NTRK3: variants seen among roughly 807,000 people sequenced by gnomAD.
NTRK3 encodes the protein NT-3 growth factor receptor.
NTRK3 carries 24 observed loss-of-function variants against 91.7 expected under a neutral mutation model. The observed-to-expected ratio is 0.26, with a 90% CI of 0.19 to 0.37. The LOEUF (loss-of-function observed/expected upper bound fraction) is 0.37, where lower values mean the gene tolerates loss of function less well. Among genes scored for constraint, NTRK3 ranks in the 10% least tolerant of loss-of-function variants. The probability of loss-of-function intolerance (pLI) is 1.00; values close to 1 mark genes in which losing one functional copy is unlikely to be tolerated. For missense variants in NTRK3, 880 were observed against 1,068.9 expected, an observed-to-expected ratio of 0.82 and a Z score of 2.46; for synonymous variants, 483 against 404.0, an observed-to-expected ratio of 1.20 and a Z score of -2.34.
rs552651593 is a variant in NTRK3 at position 87,870,412 on chromosome 15, A to G, written c.*6523T>C. 17 of 202,450 alleles carry G rather than the reference A, an allele frequency of 8.4e-5. No homozygotes were observed. In the Admixed American group the frequency reaches 9.0e-4, roughly 11 times the overall value. The allele number at this position is 202,450 out of a possible 1,614,324, so 12.5% of individuals were successfully genotyped here. On this transcript the variant is annotated 3_prime_UTR_variant, in exon 19 of 19. Transcript: ENST00000394480. Reference sequence around the variant, plus strand: ...GATGTCAAGGTATAAGAATGACACAATGGACTCTGCGGACTCAGGGGGAAA... The same window carrying G: ...GATGTCAAGGTATAAGAATGACACAGTGGACTCTGCGGACTCAGGGGGAAA...
chr15:88,136,032 C>A (rs2041844163), exon 9 of NTRK3: 1 of 1,614,228 alleles, frequency 6.2e-7, no homozygotes, highest in African/African-American at 1.3e-5. Context: ...TGGTCCAGTT[C>A]AGATTGGTCT....
At chr15:87,886,679 T>C (rs183429152) in intron 17 of NTRK3, among the ~76,000 whole-genome samples, 167 of 110,372 alleles carry the variant, frequency 1.5e-3, no homozygotes, top group African/African-American at 5.1e-3. Flanking sequence ...CTTTTTGCTA[T>C]ATATATATAT....
At chr15:88,032,666 G>A (rs913693627) in intron 14 of NTRK3, among the ~76,000 whole-genome samples, 191 bp downstream of exon 14, 2 of 152,090 alleles carry the variant, frequency 1.3e-5, no homozygotes, top group Admixed American at 1.3e-4. Flanking sequence ...CCTTCGCAGA[G>A]GACTCTGGTC....
chr15:88,049,784 G>C (rs577785866), intron 13 of NTRK3, among the ~76,000 whole-genome samples: 1 of 152,328 alleles, frequency 6.6e-6, no homozygotes, highest in Admixed American at 6.5e-5. Context: ...TTAACCAATT[G>C]AAAGAGAGGT....
rs191441420 is a variant in NTRK3 at position 88,129,415 on chromosome 15, G to A, written c.1205-681C>T. Among the ~76,000 whole-genome samples, 73 of 152,264 alleles carry A rather than the reference G, an allele frequency of 4.8e-4. 1 individual carries two copies. The highest frequency in any genetic ancestry group is 5.4e-4 in the Non-Finnish European group (37 of 68,014). On this transcript the variant is annotated intron_variant, in intron 10 of 18. Transcript: ENST00000394480. ...GCATTATCCCCACTTAACAGATAAG[G>A]AAACAGGCTTATACAGATTAAGTAA...
intron 5 of NTRK3, among the ~76,000 whole-genome samples, chr15:88,176,071 T>C (rs1023004351): frequency 2.6e-5 from 4 of 152,230 alleles, no homozygotes; most frequent in Admixed American, 6.5e-5. Context: ...GATTCTGTAC[T>C]ATTTATATTT....
At chr15:87,912,037 T>C (rs913644826) in intron 17 of NTRK3, among the ~76,000 whole-genome samples, 13 of 152,218 alleles carry the variant, frequency 8.5e-5, no homozygotes, top group African/African-American at 1.2e-4. Flanking sequence ...CCTCCCTTGC[T>C]TCTAATATTC....
At chr15:87,869,800 C>A in exon 19 of NTRK3, 1 of 200,684 alleles carries the variant, frequency 5.0e-6, no homozygotes, top group Non-Finnish European at 1.0e-5. Flanking sequence ...TGCCAGGTAG[C>A]TATTAAATTG....
At chr15:88,096,731 T>C (rs992836206) in intron 13 of NTRK3, among the ~76,000 whole-genome samples, 2 of 152,148 alleles carry the variant, frequency 1.3e-5, no homozygotes, top group African/African-American at 4.8e-5. Flanking sequence ...GGAGAGCAAC[T>C]TTGAGGCAGG....
intron 13 of NTRK3, among the ~76,000 whole-genome samples, chr15:88,111,488 G>A (rs1178225646): frequency 1.3e-5 from 2 of 152,208 alleles, no homozygotes; most frequent in African/African-American, 2.4e-5. Flanking sequence ...TGTTAGCTTA[G>A]GGAGTTTGAC....
At chr15:88,197,134 T>G (rs1009690433) in intron 3 of NTRK3, among the ~76,000 whole-genome samples, 6 of 130,362 alleles carry the variant, frequency 4.6e-5, no homozygotes, top group Non-Finnish European at 9.6e-5. Flanking sequence ...AAAACCTCTG[T>G]GATTGATTAG....
intron 13 of NTRK3, among the ~76,000 whole-genome samples, chr15:88,109,103 G>T (rs935414058): frequency 2.6e-5 from 4 of 152,350 alleles, no homozygotes; most frequent in African/African-American, 9.6e-5. Context: ...AATCCATGGG[G>T]AGTCTTTGCA....
At chr15:88,073,030 C>T (rs1290659824) in intron 13 of NTRK3, 3 of 194,302 alleles carry the variant, frequency 1.5e-5, no homozygotes, top group Non-Finnish European at 3.2e-5. Flanking sequence ...GCTCAGGTAG[C>T]TTGAGGGTCA....
chr15:88,066,410 A>T (rs567328386), intron 13 of NTRK3, among the ~76,000 whole-genome samples: 12 of 152,360 alleles, frequency 7.9e-5, no homozygotes, highest in Admixed American at 6.5e-4. Flanking sequence ...AGTTGTTTCA[A>T]TAAAGAGCTG....
At chr15:88,062,220 C>T (rs1482170353) in intron 13 of NTRK3, among the ~76,000 whole-genome samples, 1 of 152,136 alleles carries the variant, frequency 6.6e-6, no homozygotes, top group African/African-American at 2.4e-5. Context: ...GAACCATTCC[C>T]TCATGAATAC....
intron 13 of NTRK3, among the ~76,000 whole-genome samples, chr15:88,122,299 T>G (rs1174430127): frequency 6.6e-6 from 1 of 152,204 alleles, no homozygotes; most frequent in Non-Finnish European, 1.5e-5. Context: ...CACTCATCTT[T>G]CATGTAGTAG....
rs142277247 is a variant in NTRK3, at chr15:87,916,133, G to A, written c.2133+13058C>T. The A allele has an allele frequency of 3.1e-4, 73 of 234,878 alleles. 1 individual carries two copies. Among genetic ancestry groups the A allele is most frequent in the African/African-American group, 1.5e-3 (69 of 45,332 alleles). The allele number at this position is 234,878 out of a possible 1,614,324, so 14.5% of individuals were successfully genotyped here. ...TCCTCCTTCCGTTTAGACACTGACA[G>A]ATCACAAAATCTTGGGCTATGAGGA... On this transcript the variant is annotated intron_variant, in intron 17 of 18. Coordinates refer to ENST00000394480, the Ensembl canonical transcript of NTRK3.
intron 14 of NTRK3, among the ~76,000 whole-genome samples, chr15:87,969,029 C>T (rs1219768690): frequency 1.3e-5 from 2 of 152,118 alleles, no homozygotes; most frequent in Non-Finnish European, 2.9e-5. Context: ...GCTATCCCCC[C>T]ACCCCCTGCC....
At position 87,947,229 on chromosome 15, in the gene NTRK3, G is replaced by C. The variant is rs142770506; in HGVS notation, c.1586-6476C>G. Among the ~76,000 whole-genome samples, 218 of 150,488 alleles carry C rather than the reference G, an allele frequency of 1.4e-3. 1 individual carries two copies. The highest frequency in any genetic ancestry group is 5.9e-4 in the Non-Finnish European group (40 of 67,594). ...TTGCTGTCCCCGTGCTACAGATGAG[G>C]GGGCTGAAGCTCCAGGTGGTTACGT... On this transcript the variant is annotated intron_variant, in intron 14 of 18. Transcript: ENST00000394480.
Sources: gnomAD v4.1 joint callset for allele counts (sites outside exome capture counted in the v4.1 genomes callset) on GRCh38, gnomAD v4.1.1 for gene constraint, MANE v1.5 for transcripts, NCBI Gene and HGNC (gene_info 2026-07-23, HGNC 2026-07-21) for gene names.